Variants in CHFR observed in about 807,000 individuals in gnomAD.
The protein encoded by CHFR is E3 ubiquitin-protein ligase CHFR.
CHFR carries 57 observed loss-of-function variants against 87.6 expected under a neutral mutation model. The ratio of observed to expected loss-of-function variants is 0.65; its 90% CI spans 0.53 to 0.81. CHFR has a LOEUF of 0.81. Among genes scored for constraint, CHFR ranks in the 30% least tolerant of loss-of-function variants. The probability of loss-of-function intolerance (pLI) is 0.00; values close to 1 mark genes in which losing one functional copy is unlikely to be tolerated. For missense variants in CHFR, 797 were observed against 865.8 expected (o/e 0.92, Z 1.00); for synonymous variants, 381 against 359.2 (o/e 1.06, Z -0.69).
At position 132,848,229 on chromosome 12, in the gene CHFR, G is replaced by A. The variant is rs753569472; in HGVS notation, c.1577-74C>T. On this transcript the variant is annotated intron_variant, in intron 13 of 17. Coordinates refer to ENST00000450056, the MANE Select transcript of CHFR (RefSeq NM_001161346.2). ...AAAGCACTGTCTGCCCGACACTGAGGATAAACATATTTCTTTTCATTACAG... is the reference window on the plus strand; with the variant it reads ...AAAGCACTGTCTGCCCGACACTGAGAATAAACATATTTCTTTTCATTACAG... 1.4e-5 allele frequency: 22 copies of A among 1,605,962 alleles called. No homozygotes were observed. In the South Asian group the frequency reaches 2.0e-4, roughly 15 times the overall value.
rs1950629156 is a variant in CHFR, at chr12:132,833,558, C to T, written c.*7996G>A. On this transcript the variant is annotated 3_prime_UTR_variant, in exon 18 of 18. Coordinates refer to ENST00000450056, the MANE Select transcript of CHFR (RefSeq NM_001161346.2). ...GAGTTGCTGGGCGTGGCGGCTTACG[C>T]CTGGAATCCCAGCACTGTGGGAGGT... 6.6e-6 allele frequency: 1 copy of T among 152,278 alleles called. No individual in the cohort carries two copies. The highest frequency in any genetic ancestry group is 1.5e-5 in the Non-Finnish European group (1 of 68,084). The allele number at this position is 152,278 out of a possible 1,614,324, so 9.4% of individuals were successfully genotyped here.
chr12:132,857,162 G>A (rs1593472542), intron 9 of CHFR, among the ~76,000 whole-genome samples: 1 of 113,022 alleles, frequency 8.8e-6, no homozygotes, highest in African/African-American at 3.4e-5. Context: ...GGTGCTGCTG[G>A]GTGGATGCCC....
At chr12:132,865,886 C>G (rs1348621445) in intron 6 of CHFR, 1 of 151,876 alleles carries the variant, frequency 6.6e-6, no homozygotes, top group Non-Finnish European at 1.5e-5. Context: ...GTTGCCCAAA[C>G]TGGTCTTGAA....
Position 132,836,788 on chromosome 12 carries a change from A to G in CHFR, c.*4766T>C, listed in dbSNP as rs1423671354. On this transcript the variant is annotated 3_prime_UTR_variant, in exon 18 of 18. Coordinates refer to ENST00000450056, the MANE Select transcript of CHFR (RefSeq NM_001161346.2). ...GTGCCGCGGGAAAGATTTCAAGCCC[A>G]GGGGACGGCTCATCAGCTCATCAGA... is the stretch of plus-strand genomic sequence containing the variant. 13 of 456,012 alleles carry G rather than the reference A, an allele frequency of 2.9e-5. No individual in the cohort carries two copies. The highest frequency in any genetic ancestry group is 1.2e-4 in the Admixed American group (5 of 42,560). The allele number at this position is 456,012 out of a possible 1,614,324, so 28.2% of individuals were successfully genotyped here. A position where few individuals can be genotyped will look rare whatever the true frequency, so the allele number is the denominator to read the frequency against.
chr12:132,870,824 G>T, intron 4 of CHFR, 41 bp from the exon 5 acceptor site: 1 of 1,326,546 alleles, frequency 7.5e-7, no homozygotes, highest in Non-Finnish European at 1.1e-6. Flanking sequence ...GGTGGCCCCT[G>T]TGCAAACTGA....
chr12:132,880,144 A>G (rs1421403867), intron 2 of CHFR, among the ~76,000 whole-genome samples: 1 of 152,234 alleles, frequency 6.6e-6, no homozygotes, highest in East Asian at 1.9e-4. Flanking sequence ...GACTCATATT[A>G]CTTAACTGAC....
chr12:132,868,664 A>C (rs1401800836), intron 6 of CHFR, among the ~76,000 whole-genome samples: 1 of 152,246 alleles, frequency 6.6e-6, no homozygotes, highest in Non-Finnish European at 1.5e-5. Flanking sequence ...TGAGCGACAG[A>C]GCGAGACTCC....
chr12:132,844,576 G>A (rs1040441609), intron 15 of CHFR, among the ~76,000 whole-genome samples: 8 of 151,392 alleles, frequency 5.3e-5, no homozygotes, highest in Non-Finnish European at 1.2e-4. Flanking sequence ...GAGCCACTGC[G>A]CCCGGCCACC....
In CHFR at chr12:132,840,188, A is replaced by C. The variant is rs1950685020; in HGVS notation, c.*1366T>G. The C allele has an allele frequency of 1.3e-5, 2 of 152,504 alleles. No individual in the cohort carries two copies. The highest frequency in any genetic ancestry group is 4.8e-5 in the African/African-American group (2 of 41,466). 9.4% of individuals were successfully genotyped at this position (152,504 alleles called of 1,614,324 possible). ...CAGGTTGTGGCTTCCCAGCATTGGC[A>C]GAATGAAGAGACCTGAGCAGGTTTC... On this transcript the variant is annotated 3_prime_UTR_variant, in exon 18 of 18. Coordinates refer to ENST00000450056, the MANE Select transcript of CHFR (RefSeq NM_001161346.2).
rs1231210218 is a variant in CHFR at position 132,836,408 on chromosome 12, C to A, written c.*5146G>T. The A allele has an allele frequency of 3.0e-6, 1 of 335,184 alleles. No homozygotes were observed. 20.8% of individuals were successfully genotyped at this position (335,184 alleles called of 1,614,324 possible). A position where few individuals can be genotyped will look rare whatever the true frequency, so the allele number is the denominator to read the frequency against. ...AGTGACAGGCTCCCAGCACGGCGCT[C>A]GGCCCTCACAGTGACAGGCTCCCAG... On this transcript the variant is annotated 3_prime_UTR_variant, in exon 18 of 18. Coordinates refer to ENST00000450056, the MANE Select transcript of CHFR (RefSeq NM_001161346.2).
intron 12 of CHFR, chr12:132,849,969 T>C (rs1204145175): frequency 1.3e-5 from 2 of 151,928 alleles, no homozygotes; most frequent in African/African-American, 4.8e-5. Context: ...TATTTATTTA[T>C]TTTAGACAGA....
At chr12:132,853,651 C>T (rs896411382) in intron 10 of CHFR, 78 bp from the exon 11 acceptor site, 11 of 1,438,054 alleles carry the variant, frequency 7.6e-6, no homozygotes, top group Non-Finnish European at 9.1e-6. Flanking sequence ...GGGTCCGCAG[C>T]CATCACAGCT....
intron 2 of CHFR, among the ~76,000 whole-genome samples, chr12:132,879,090 C>T (rs1401538977): frequency 1.4e-5 from 2 of 146,844 alleles, no homozygotes; most frequent in Non-Finnish European, 3.0e-5. Context: ...CCACAACCTC[C>T]ACCTCCCAGG....
At chr12:132,864,164 G>C (rs1289260736) in intron 6 of CHFR, among the ~76,000 whole-genome samples, 2 of 148,622 alleles carry the variant, frequency 1.3e-5, no homozygotes, top group African/African-American at 4.9e-5. Flanking sequence ...TCAAATGTAA[G>C]TGTTATTATT....
Position 132,870,717 on chromosome 12 carries a change from T to C in CHFR, c.403+7A>G, listed in dbSNP as rs1203153764. ...TGCACCCACTTCTTTGCTACACTCT[T>C]ACTTACCAAAGGATTCTTGTGTCAT... On this transcript the variant is annotated splice_region_variant and intron_variant, in intron 5 of 17. Coordinates refer to ENST00000450056, the MANE Select transcript of CHFR (RefSeq NM_001161346.2). 6.9e-6 allele frequency: 11 copies of C among 1,593,006 alleles called. No individual in the cohort carries two copies. The highest frequency in any genetic ancestry group is 8.6e-6 in the Non-Finnish European group (10 of 1,161,004).
intron 2 of CHFR, among the ~76,000 whole-genome samples, chr12:132,884,115 G>A (rs984689892): frequency 2.6e-5 from 4 of 151,326 alleles, no homozygotes; most frequent in South Asian, 2.1e-4. Context: ...GTAAGACTCC[G>A]TCTCAAAAAA....
Position 132,853,585 on chromosome 12 carries a change from C to G in CHFR, c.1230-12G>C. On this transcript the variant is annotated splice_polypyrimidine_tract_variant and intron_variant, in intron 10 of 17. Coordinates refer to ENST00000450056, the MANE Select transcript of CHFR (RefSeq NM_001161346.2). ...CGACGTATGGCTGGCTGCAAGGAAG[C>G]ACAGGGCCGAGCTGTGTGCAGGCCC... 1.3e-6 allele frequency: 2 copies of G among 1,525,068 alleles called. No homozygotes were observed. Among genetic ancestry groups the G allele is most frequent in the Non-Finnish European group, 8.8e-7 (1 of 1,140,264 alleles). The allele number at this position is 1,525,068 out of a possible 1,614,324, so 94.5% of individuals were successfully genotyped here.
intron 6 of CHFR, among the ~76,000 whole-genome samples, chr12:132,864,038 A>G (rs1414560037): frequency 6.7e-6 from 1 of 148,556 alleles, no homozygotes; most frequent in Non-Finnish European, 1.5e-5. Flanking sequence ...TGCTGGAATT[A>G]CAGGTGTGAA....
Position 132,848,674 on chromosome 12 carries a change from T to G in CHFR, c.1543A>C (p.Thr515Pro). Residue 515 changes from threonine to proline, a missense_variant, in exon 13 of 18, where the codon ACC becomes CCC. Physicochemically the swap from Thr to Pro is conservative, Grantham distance 38. This residue lies in a region of CHFR where 200 missense variants were observed against 264.6 expected (regional missense o/e 0.76). Transcript: ENST00000450056. ...GGGGCCAGGCAGCCGTAGCAGCCGG[T>G]CCGGGTGCAGCCCCAGTACAGGTGG... Reference protein sequence around the residue: ...FCHLYWGCTRTGCYGCLAPFC... With the variant: ...FCHLYWGCTRPGCYGCLAPFC... The G allele has an allele frequency of 6.3e-7, 1 of 1,596,956 alleles. No homozygotes were observed. Among genetic ancestry groups the G allele is most frequent in the South Asian group, 1.1e-5 (1 of 87,850 alleles).
Sources: gnomAD v4.1 joint callset for allele counts (sites outside exome capture counted in the v4.1 genomes callset) on GRCh38, gnomAD v4.1.1 for gene constraint, gnomAD v4.1.1 regional missense constraint, MANE v1.5 for transcripts, NCBI Gene and HGNC (gene_info 2026-07-23, HGNC 2026-07-21) for gene names.